PTDSS1: variants seen among roughly 807,000 people sequenced by gnomAD.
PTDSS1 encodes PSS-1.
A neutral mutation model predicts 70.5 loss-of-function variants in PTDSS1; 45 were observed. The observed-to-expected ratio is 0.64, with a 90% CI of 0.50 to 0.82. PTDSS1 has a LOEUF of 0.82. Among genes scored for constraint, PTDSS1 ranks in the 40% least tolerant of loss-of-function variants. PTDSS1 has a pLI of 0.00. For synonymous variants in PTDSS1, 188 were observed against 203.8 expected (o/e 0.92, Z 0.66); for missense variants, 417 against 586.1 (o/e 0.71, Z 2.98).
chr8:96,324,534 G>A, intron 10 of PTDSS1, among the ~76,000 whole-genome samples: 1 of 152,190 alleles, frequency 6.6e-6, no homozygotes, highest in East Asian at 1.9e-4. Flanking sequence ...TATGGCAATG[G>A]CATCCAGTGA....
chr8:96,263,796 C>T (rs1586178044), intron 1 of PTDSS1, among the ~76,000 whole-genome samples: 1 of 152,182 alleles, frequency 6.6e-6, no homozygotes, highest in Non-Finnish European at 1.5e-5. Context: ...TCTACACAGT[C>T]GTTTGCATAC....
chr8:96,280,671 G>A lies in PTDSS1; in HGVS notation c.272-3438G>A, dbSNP rs112785222. ...CCTCATAAGAAAACCAAAACCCAGC[G>A]TTCGTTGCTGCACCACTGCCCTAAG... On this transcript the variant is annotated intron_variant, in intron 2 of 12. Coordinates refer to ENST00000517309, the MANE Select transcript of PTDSS1 (RefSeq NM_014754.3). Among the ~76,000 whole-genome samples, 9 of 152,258 alleles carry A rather than the reference G, an allele frequency of 5.9e-5. No homozygotes were observed. The South Asian group carries it at 6.2e-4, about 11-fold the overall frequency.
At chr8:96,331,388 G>T (rs1022132773) in intron 12 of PTDSS1, among the ~76,000 whole-genome samples, 2 of 151,954 alleles carry the variant, frequency 1.3e-5, no homozygotes, top group Non-Finnish European at 2.9e-5. Context: ...AATTAGCCAG[G>T]TGTGGTGGCG....
chr8:96,309,778 T>C (rs1426327405), intron 9 of PTDSS1, among the ~76,000 whole-genome samples, 156 bp downstream of exon 9: 1 of 152,216 alleles, frequency 6.6e-6, no homozygotes, highest in Non-Finnish European at 1.5e-5. Flanking sequence ...TATATATACA[T>C]AGATATATCT....
intron 10 of PTDSS1, among the ~76,000 whole-genome samples, chr8:96,328,597 ACTCT>A (rs1057023185): frequency 1.3e-5 from 2 of 151,770 alleles, no homozygotes; most frequent in African/African-American, 2.4e-5. Flanking sequence ...TGTGCTTCTC[ACTCT>A]CTCTCCACGC....
At chr8:96,278,391 T>C (rs1352050291) in intron 2 of PTDSS1, among the ~76,000 whole-genome samples, 1 of 152,176 alleles carries the variant, frequency 6.6e-6, no homozygotes, top group Non-Finnish European at 1.5e-5. Context: ...AACAAAATTT[T>C]GTGTGACAAT....
intron 2 of PTDSS1, among the ~76,000 whole-genome samples, chr8:96,275,032 A>G (rs556429398): frequency 6.6e-6 from 1 of 152,324 alleles, no homozygotes; most frequent in East Asian, 1.9e-4. Context: ...TGGCTTTTCC[A>G]TAGGGATTGA....
chr8:96,277,046 A>G (rs556547023), intron 2 of PTDSS1, among the ~76,000 whole-genome samples: 1 of 152,272 alleles, frequency 6.6e-6, no homozygotes, highest in East Asian at 1.9e-4. Flanking sequence ...CATGCCAAAA[A>G]TAAGGTTTCA....
At chr8:96,300,686 C>T (rs547861681) in intron 6 of PTDSS1, among the ~76,000 whole-genome samples, 25 of 152,256 alleles carry the variant, frequency 1.6e-4, no homozygotes, top group Admixed American at 5.2e-4. Flanking sequence ...AGCATTTTCC[C>T]ACATCATTAA....
At chr8:96,264,297 C>A (rs1368250696) in intron 1 of PTDSS1, among the ~76,000 whole-genome samples, 2 of 152,190 alleles carry the variant, frequency 1.3e-5, no homozygotes, top group African/African-American at 4.8e-5. Flanking sequence ...GGATTAAATT[C>A]ATCTTTTTAG....
At chr8:96,278,216 G>A (rs1396173404) in intron 2 of PTDSS1, among the ~76,000 whole-genome samples, 3 of 152,196 alleles carry the variant, frequency 2.0e-5, no homozygotes, top group Non-Finnish European at 4.4e-5. Flanking sequence ...CTAGGATTGG[G>A]CCACATGTCT....
intron 4 of PTDSS1, among the ~76,000 whole-genome samples, chr8:96,291,344 G>C (rs1315429488): frequency 2.0e-5 from 3 of 152,014 alleles, no homozygotes; most frequent in African/African-American, 7.2e-5. Flanking sequence ...CCATCACCCA[G>C]TGTCAGTATT....
chr8:96,287,393 T>G, intron 4 of PTDSS1: 1 of 461,668 alleles, frequency 2.2e-6, no homozygotes, highest in Non-Finnish European at 3.8e-6. Flanking sequence ...TCAGACAGCC[T>G]TGGGTGTGAA....
chr8:96,283,898 C>T (rs535811503), intron 2 of PTDSS1: 1 of 511,802 alleles, frequency 2.0e-6, no homozygotes, highest in Non-Finnish European at 3.4e-6. Context: ...GAGAGTGGTG[C>T]CTGTGATGAT....
chr8:96,327,383 G>A (rs563454177), intron 10 of PTDSS1, among the ~76,000 whole-genome samples: 3 of 152,150 alleles, frequency 2.0e-5, no homozygotes, highest in East Asian at 3.9e-4. Context: ...GAGGGACGTC[G>A]CCCGAAAAGA....
At chr8:96,284,426 A>G (rs1185266647) in intron 3 of PTDSS1, among the ~76,000 whole-genome samples, 1 of 152,222 alleles carries the variant, frequency 6.6e-6, no homozygotes, top group African/African-American at 2.4e-5. Flanking sequence ...TGACTTAAGC[A>G]AATATCTCTT....
rs767123710 is a variant in PTDSS1, at chr8:96,299,791, G to C, written c.698G>C (p.Gly233Ala). Residue 233 changes from glycine (G) to alanine (A), a missense_variant, in exon 6 of 13, where the codon GGC (glycine) becomes GCC (alanine). By Grantham distance (60) the Gly-to-Ala change is moderately conservative (BLOSUM62 0). This residue lies in a region of PTDSS1 where 272 missense variants were observed against 429.5 expected (regional missense o/e 0.63). Transcript: ENST00000517309. ...LLCNGGGIWL[G>A]MVVCRFLEMR... ...TGCAATGGCGGTGGCATTTGGCTGGGCATGGTCGTTTGCCGGTTTTTAGAG... is the reference window on the plus strand; with the variant it reads ...TGCAATGGCGGTGGCATTTGGCTGGCCATGGTCGTTTGCCGGTTTTTAGAG... 3 of 1,614,098 alleles carry C rather than the reference G, an allele frequency of 1.9e-6. No homozygotes were observed. The highest frequency in any genetic ancestry group is 4.5e-5 in the East Asian group (2 of 44,872).
intron 4 of PTDSS1, among the ~76,000 whole-genome samples, chr8:96,289,742 TC>T (rs1253133039): frequency 1.3e-5 from 2 of 152,224 alleles, no homozygotes; most frequent in African/African-American, 2.4e-5. Context: ...AAATAATCAT[TC>T]CCCCATGGTG....
intron 2 of PTDSS1, among the ~76,000 whole-genome samples, chr8:96,276,335 G>T (rs957527860): frequency 6.6e-6 from 1 of 152,190 alleles, no homozygotes; most frequent in Non-Finnish European, 1.5e-5. Flanking sequence ...ATTTCTTCTG[G>T]CTTTGCCTCT....
Sources: allele counts gnomAD v4.1 joint callset (sites outside exome capture counted in the v4.1 genomes callset), GRCh38; gene constraint gnomAD v4.1.1; regional missense constraint gnomAD v4.1.1; transcripts MANE v1.5; gene names NCBI Gene and HGNC (gene_info 2026-07-23, HGNC 2026-07-21).